The following FAM161A variants were observed in gnomAD, a reference collection of about 807,000 sequenced individuals.
FAM161A encodes protein FAM161A.
In FAM161A, 57 loss-of-function variants were observed where a neutral mutation model predicts 70.9. That is an observed-to-expected ratio of 0.80 (90% CI 0.65 to 1.00). The LOEUF (loss-of-function observed/expected upper bound fraction) is 1.00. FAM161A is among the 50% of genes least tolerant of loss of function. The pLI is 0.00. For synonymous variants in FAM161A, 299 were observed against 295.7 expected (o/e 1.01, Z -0.12); for missense variants, 880 against 836.0 (o/e 1.05, Z -0.65).
chr2:61,819,489 T>C, the FAM161A span, among the ~76,000 whole-genome samples: 15 of 152,068 alleles, frequency 9.9e-5, no homozygotes, highest in East Asian at 2.9e-3. Flanking sequence ...TACAACAAAA[T>C]CTCATTCAAG....
At position 61,826,325 on chromosome 2, in the gene FAM161A, A is replaced by T; in HGVS notation, c.*130T>A. 1 of 970,876 alleles carries T rather than the reference A, an allele frequency of 1.0e-6. No individual in the cohort carries two copies. Among genetic ancestry groups the T allele is most frequent in the Non-Finnish European group, 1.6e-6 (1 of 618,182 alleles). The allele number at this position is 970,876 out of a possible 1,614,324, so 60.1% of individuals were successfully genotyped here. Reference sequence around the variant, plus strand: ...CAGCTGGATTCAGGCTTTTCAGGCTACAGATGACTTTGATCAACAGCCCTG... The same window carrying T: ...CAGCTGGATTCAGGCTTTTCAGGCTTCAGATGACTTTGATCAACAGCCCTG... On this transcript the variant is annotated 3_prime_UTR_variant, in exon 7 of 7. Transcript: ENST00000404929.
At chr2:61,831,517 CTT>C (rs1212241234) in intron 5 of FAM161A, among the ~76,000 whole-genome samples, 1 of 152,134 alleles carries the variant, frequency 6.6e-6, no homozygotes, top group Non-Finnish European at 1.5e-5. Context: ...TTCTATCTGA[CTT>C]TAAGGGTCTC....
At chr2:61,804,724 G>T in the FAM161A span, among the ~76,000 whole-genome samples, 1 of 139,402 alleles carries the variant, frequency 7.2e-6, no homozygotes, top group East Asian at 2.1e-4. Flanking sequence ...GAGAAAGAAA[G>T]AAAGAAGGAA....
the FAM161A span, among the ~76,000 whole-genome samples, chr2:61,811,924 G>A: frequency 6.6e-5 from 10 of 152,252 alleles, no homozygotes; most frequent in Admixed American, 4.6e-4. Flanking sequence ...CATAGAATCT[G>A]CTATTTTTCT....
chr2:61,828,947 G>T (rs535300787), intron 5 of FAM161A, among the ~76,000 whole-genome samples: 4 of 152,226 alleles, frequency 2.6e-5, no homozygotes, highest in Middle Eastern at 6.8e-3. Flanking sequence ...GATCTGAACT[G>T]TTAGAGGGCC....
intron 3 of FAM161A, among the ~76,000 whole-genome samples, chr2:61,838,996 C>T (rs938009036): frequency 6.6e-6 from 1 of 151,626 alleles, no homozygotes. Context: ...GATTCTCCTG[C>T]CTCAGCCTCC....
the FAM161A span, among the ~76,000 whole-genome samples, chr2:61,810,383 AC>A: frequency 6.7e-6 from 1 of 149,704 alleles, no homozygotes; most frequent in African/African-American, 2.5e-5. Context: ...CAGGTTACTC[AC>A]CCAATAATTC....
At chr2:61,839,036 C>T (rs1247141320) in intron 3 of FAM161A, among the ~76,000 whole-genome samples, 1 of 151,684 alleles carries the variant, frequency 6.6e-6, no homozygotes, top group South Asian at 2.1e-4. Flanking sequence ...GCACCCGCCA[C>T]CACGCCCAGC....
At chr2:61,834,866 AG>A (rs1432477724) in intron 5 of FAM161A, among the ~76,000 whole-genome samples, 1 of 152,208 alleles carries the variant, frequency 6.6e-6, no homozygotes, top group Non-Finnish European at 1.5e-5. Context: ...AGCAGTGTAA[AG>A]AGCAAAAACA....
At position 61,839,558 on chromosome 2, in the gene FAM161A, AT is replaced by A; in HGVS notation, c.1445del (p.Asn482IlefsTer2). 1 of 1,614,024 alleles carries A rather than the reference AT, an allele frequency of 6.2e-7. No individual in the cohort carries two copies. The highest frequency in any genetic ancestry group is 2.2e-5 in the East Asian group (1 of 44,884). ...AATAAGGCCAACGTGTTTCTTTTAA[AT>A]TTTCTTCATCTGCTTCGATGTCTGC... ...ILADIEADEE[N>X]LKETRWPYLS... On this transcript the variant is annotated frameshift_variant, in exon 3 of 7. Coordinates refer to ENST00000404929, the MANE Select transcript of FAM161A (RefSeq NM_001201543.2). LOFTEE classifies it high-confidence loss of function.
intron 5 of FAM161A, 33 bp from the exon 6 acceptor site, chr2:61,827,291 C>G: frequency 1.2e-6 from 2 of 1,607,114 alleles, no homozygotes; most frequent in Non-Finnish European, 1.7e-6. Context: ...TAGACGAGAA[C>G]AGAAGACTTT....
chr2:61,852,833 C>T (rs1230221642), intron 1 of FAM161A, among the ~76,000 whole-genome samples: 1 of 151,930 alleles, frequency 6.6e-6, no homozygotes, highest in Admixed American at 6.6e-5. Context: ...CCAGTGATTT[C>T]AGTTAGTCCT....
intron 1 of FAM161A, among the ~76,000 whole-genome samples, chr2:61,848,411 G>A (rs1445370621): frequency 6.6e-6 from 1 of 151,986 alleles, no homozygotes; most frequent in African/African-American, 2.4e-5. Context: ...ATCTTTAATT[G>A]TCTCCACTGA....
intron 1 of FAM161A, among the ~76,000 whole-genome samples, chr2:61,843,779 G>A (rs137906594): frequency 1.6e-4 from 24 of 151,922 alleles, no homozygotes; most frequent in Non-Finnish European, 2.8e-4. Flanking sequence ...TTTTTAATAC[G>A]CTAAAATCAG....
chr2:61,826,200 A>G lies in FAM161A; in HGVS notation c.*255T>C, dbSNP rs563370774. ...TCAGTTTGTGACAGCTGTGGTTCTCACTTTTTAAAAATACAAAATCATAGT... is the reference window on the plus strand; with the variant it reads ...TCAGTTTGTGACAGCTGTGGTTCTCGCTTTTTAAAAATACAAAATCATAGT... On this transcript the variant is annotated 3_prime_UTR_variant, in exon 7 of 7. Transcript: ENST00000404929. The G allele has an allele frequency of 3.3e-6, 2 of 614,048 alleles. No individual in the cohort carries two copies. Among genetic ancestry groups the G allele is most frequent in the Admixed American group, 4.2e-5 (2 of 47,084 alleles). The allele number at this position is 614,048 out of a possible 1,614,324, so 38.0% of individuals were successfully genotyped here.
Position 61,850,159 on chromosome 2 carries a change from G to A in FAM161A, c.183+3700C>T, listed in dbSNP as rs756370717. Among the ~76,000 whole-genome samples, 122 of 152,322 alleles carry A rather than the reference G, an allele frequency of 8.0e-4. No homozygotes were observed. The Middle Eastern group carries it at 0.02, about 25-fold the overall frequency. ...TGCCTGTAATCCCAGTACTTTGGGA[G>A]GCTGAGGCGGGCGGATCACCTGAGG... On this transcript the variant is annotated intron_variant, in intron 1 of 6. Coordinates refer to ENST00000404929, the MANE Select transcript of FAM161A (RefSeq NM_001201543.2).
the FAM161A span, among the ~76,000 whole-genome samples, chr2:61,815,595 G>T: frequency 7.7e-6 from 1 of 129,814 alleles, no homozygotes; most frequent in Non-Finnish European, 1.5e-5. Flanking sequence ...CTGTCACCCA[G>T]GCTGGAGTGC....
In FAM161A at chr2:61,825,313, C is replaced by A. The variant is rs956748639; in HGVS notation, c.*1142G>T. Reference sequence around the variant, plus strand: ...ATAATATGTAAAAAGTTGAACACAACTGGGTCTAGCAGTGAAGAGTTAAAT... The same window carrying A: ...ATAATATGTAAAAAGTTGAACACAAATGGGTCTAGCAGTGAAGAGTTAAAT... On this transcript the variant is annotated 3_prime_UTR_variant, in exon 7 of 7. Transcript: ENST00000404929. The A allele has an allele frequency of 2.2e-5, 10 of 453,998 alleles. No homozygotes were observed. Among genetic ancestry groups the A allele is most frequent in the Middle Eastern group, 6.8e-4 (1 of 1,466 alleles). 28.1% of individuals were successfully genotyped at this position (453,998 alleles called of 1,614,324 possible).
intron 4 of FAM161A, chr2:61,836,901 T>C (rs1184726360): frequency 4.9e-6 from 1 of 205,346 alleles, no homozygotes. Flanking sequence ...GTTCTCACTT[T>C]GTTGTCCAGG....
Sources: gnomAD v4.1 joint callset for allele counts (sites outside exome capture counted in the v4.1 genomes callset) on GRCh38, gnomAD v4.1.1 for gene constraint, MANE v1.5 for transcripts, NCBI Gene and HGNC (gene_info 2026-07-23, HGNC 2026-07-21) for gene names.